The following CRTC1 variants were observed in gnomAD, a reference collection of about 807,000 sequenced individuals.
CRTC1 encodes the protein CREB regulated transcription coactivator 1.
CRTC1 carries 18 observed loss-of-function variants against 66.1 expected under a neutral mutation model. The ratio of observed to expected loss-of-function variants is 0.27; its 90% CI spans 0.19 to 0.40. CRTC1 has a LOEUF of 0.40. CRTC1 is among the 10% of genes least tolerant of loss of function. CRTC1 has a pLI of 1.00. For missense variants in CRTC1, 669 were observed against 887.9 expected (o/e 0.75, Z 3.13); for synonymous variants, 416 against 398.8 (o/e 1.04, Z -0.51).
At chr19:18,762,982 GCA>G (rs2054648555) in intron 8 of CRTC1, among the ~76,000 whole-genome samples, 4 of 152,346 alleles carry the variant, frequency 2.6e-5, no homozygotes, top group Admixed American at 6.5e-5. Context: ...TCTGACAACA[GCA>G]AACCACATAA....
Position 18,781,358 on chromosome 19 carries a change from G to A in CRTC1, c.*3976G>A, listed in dbSNP as rs1218281586. 6 of 229,230 alleles carry A rather than the reference G, an allele frequency of 2.6e-5. No individual in the cohort carries two copies. The highest frequency in any genetic ancestry group is 3.5e-5 in the Non-Finnish European group (4 of 115,648). The allele number at this position is 229,230 out of a possible 1,614,324, so 14.2% of individuals were successfully genotyped here. A position where few individuals can be genotyped will look rare whatever the true frequency, so the allele number is the denominator to read the frequency against. ...TACCCCCATTCACCATGGACCAGGG[G>A]CCTCCATTTCCTGGGGGCTCTTGCG... On this transcript the variant is annotated 3_prime_UTR_variant, in exon 14 of 14. Coordinates refer to ENST00000321949, the MANE Select transcript of CRTC1 (RefSeq NM_015321.3).
intron 1 of CRTC1, among the ~76,000 whole-genome samples, chr19:18,697,155 C>T (rs952680133): frequency 2.6e-5 from 4 of 152,018 alleles, no homozygotes; most frequent in African/African-American, 9.7e-5. Context: ...CAGGGATGCC[C>T]GAGAGCCAAT....
Position 18,768,644 on chromosome 19 carries a change from C to T in CRTC1, c.1171C>T (p.Arg391Cys), listed in dbSNP as rs376816187. The T allele has an allele frequency of 2.3e-5, 36 of 1,532,432 alleles. No individual in the cohort carries two copies. Among genetic ancestry groups the T allele is most frequent in the Middle Eastern group, 4.6e-4 (2 of 4,370 alleles). The allele number at this position is 1,532,432 out of a possible 1,614,324, so 94.9% of individuals were successfully genotyped here. A position where few individuals can be genotyped will look rare whatever the true frequency, so the allele number is the denominator to read the frequency against. Residue 391 changes from arginine to cysteine, a missense_variant, in exon 10 of 14, where the codon CGC becomes TGC. By Grantham distance (180) the Arg-to-Cys change is radical (BLOSUM62 -3). Coordinates refer to ENST00000321949, the MANE Select transcript of CRTC1 (RefSeq NM_015321.3). The surrounding 1 kb of genome is among the most constrained non-coding windows in gnomAD (Gnocchi z 5.6). ...CCCGCCACCCCCACAGGCGCCCGTC[C>T]GCCTGCCCCCTGGTGGCCCCCTGTT... Reference protein sequence around the residue: ...PPPPPPQAPVRLPPGGPLLPS... With the variant: ...PPPPPPQAPVCLPPGGPLLPS...
At chr19:18,751,654 T>G (rs1408593183) in intron 5 of CRTC1, among the ~76,000 whole-genome samples, 1 of 152,192 alleles carries the variant, frequency 6.6e-6, no homozygotes, top group Non-Finnish European at 1.5e-5. Context: ...GCTCAGACTC[T>G]CCCTCTCCTC....
At chr19:18,727,580 C>CAAAAAAAAAAAAAAAAAAAA (rs60907638) in intron 1 of CRTC1, among the ~76,000 whole-genome samples, 5 of 51,788 alleles carry the variant, frequency 9.7e-5, no homozygotes, top group Non-Finnish European at 1.7e-4. Flanking sequence ...GACTCTGTCT[C>CAAAAAAAAAAAAAAAAAAAA]AAAAAAAAAA....
chr19:18,756,020 T>C (rs1382247419), intron 6 of CRTC1, among the ~76,000 whole-genome samples: 1 of 152,110 alleles, frequency 6.6e-6, no homozygotes, highest in Admixed American at 6.5e-5. Context: ...ATTTCCACTC[T>C]TACGGGAAAA....
At chr19:18,759,809 C>T (rs564743199) in intron 7 of CRTC1, among the ~76,000 whole-genome samples, 199 bp from the exon 8 acceptor site, 1 of 152,176 alleles carries the variant, frequency 6.6e-6, no homozygotes, top group South Asian at 2.1e-4. Context: ...TGCCCCCAGG[C>T]CCCCCACCGT....
At chr19:18,776,325 C>T (rs1211102546) in intron 13 of CRTC1, among the ~76,000 whole-genome samples, 2 of 152,250 alleles carry the variant, frequency 1.3e-5, no homozygotes, top group East Asian at 1.9e-4. Context: ...AAGCCAGCCC[C>T]GTCCTGCATG....
Position 18,760,325 on chromosome 19 carries a change from T to G in CRTC1, c.886+97T>G. On this transcript the variant is annotated intron_variant, in intron 8 of 13. Coordinates refer to ENST00000321949, the MANE Select transcript of CRTC1 (RefSeq NM_015321.3). This position sits in a 1 kb window ranked among gnomAD's most constrained non-coding sequence, Gnocchi z 6.2. Reference sequence around the variant, plus strand: ...CTTGGCAGAGTCCCGTTCCAAATACTAGGGCATGGGGGACAGGGCTGGGGG... The same window carrying G: ...CTTGGCAGAGTCCCGTTCCAAATACGAGGGCATGGGGGACAGGGCTGGGGG... 9.7e-7 allele frequency: 1 copy of G among 1,028,318 alleles called. No individual in the cohort carries two copies. Among genetic ancestry groups the G allele is most frequent in the Non-Finnish European group, 1.4e-6 (1 of 698,812 alleles). 63.7% of individuals were successfully genotyped at this position (1,028,318 alleles called of 1,614,324 possible). A position where few individuals can be genotyped will look rare whatever the true frequency, so the allele number is the denominator to read the frequency against.
At chr19:18,774,495 C>T (rs2054939207) in intron 11 of CRTC1, among the ~76,000 whole-genome samples, 1 of 151,942 alleles carries the variant, frequency 6.6e-6, no homozygotes, top group African/African-American at 2.4e-5. Context: ...CAGGAGTCAC[C>T]AAGTGCACTT....
chr19:18,739,317 C>T (rs1011030446), intron 1 of CRTC1, among the ~76,000 whole-genome samples: 2 of 152,234 alleles, frequency 1.3e-5, no homozygotes, highest in African/African-American at 2.4e-5. Context: ...GAGCTAGCCG[C>T]TGGCTCCAAG....
Position 18,747,070 on chromosome 19 carries a change from T to C in CRTC1, c.399T>C (p.Tyr133=), listed in dbSNP as rs1173987428. The C allele has an allele frequency of 6.2e-7, 1 of 1,611,462 alleles. No individual in the cohort carries two copies. The highest frequency in any genetic ancestry group is 8.5e-7 in the Non-Finnish European group (1 of 1,179,348). Reference sequence around the variant, plus strand: ...CACCTCACGCCGACAGCTGCCCCTATGGCACCATGTACCTCTCACCACCCG... The same window carrying C: ...CACCTCACGCCGACAGCTGCCCCTACGGCACCATGTACCTCTCACCACCCG... The part of the protein sequence containing the change: ...KHGRQADSCP[Y]GTMYLSPPAD... Residue 133 remains tyrosine, a synonymous_variant, in exon 4 of 14, where the codon TAT becomes TAC. Transcript: ENST00000321949.
chr19:18,731,102 G>A (rs1482082416), intron 1 of CRTC1, among the ~76,000 whole-genome samples: 1 of 152,152 alleles, frequency 6.6e-6, no homozygotes, highest in African/African-American at 2.4e-5. Flanking sequence ...TCTGCCTCCC[G>A]TGTTGCTGGG....
intron 6 of CRTC1, 91 bp from the exon 7 acceptor site, chr19:18,759,460 A>C: frequency 7.5e-7 from 1 of 1,331,422 alleles, no homozygotes; most frequent in East Asian, 2.5e-5. Flanking sequence ...GCTTTGTGGG[A>C]AGATCAGCCG....
In CRTC1 at chr19:18,701,637, ACT is replaced by A. The variant is rs1383401380; in HGVS notation, c.126+17812_126+17813del. On this transcript the variant is annotated intron_variant, in intron 1 of 13. Coordinates refer to ENST00000321949, the MANE Select transcript of CRTC1 (RefSeq NM_015321.3). ...TTTTTGTTTTTTGAGACAGAATCTC[ACT>A]CTGTCACCCAGGCTGGAGTGCAATG... 1.2e-4 allele frequency among the ~76,000 whole-genome samples: 19 copies of A among 152,094 alleles called. No homozygotes were observed. In the South Asian group the frequency reaches 3.9e-3, roughly 32 times the overall value.
intron 1 of CRTC1, among the ~76,000 whole-genome samples, chr19:18,740,737 C>T (rs1321237999): frequency 1.3e-5 from 2 of 152,174 alleles, no homozygotes; most frequent in Non-Finnish European, 2.9e-5. Context: ...GGCGCGGTGA[C>T]TCATTCCTGT....
chr19:18,713,141 G>T (rs763457084), intron 1 of CRTC1, among the ~76,000 whole-genome samples: 1 of 152,164 alleles, frequency 6.6e-6, no homozygotes. Flanking sequence ...ACTCAGCATC[G>T]TGTCTTCAGG....
chr19:18,725,746 C>T lies in CRTC1; in HGVS notation c.127-17164C>T, dbSNP rs563997996. 5.9e-5 allele frequency among the ~76,000 whole-genome samples: 9 copies of T among 152,326 alleles called. No individual in the cohort carries two copies. In the South Asian group the frequency reaches 1.2e-3, roughly 21 times the overall value. ...TCTGAGTCTAATTCTGTCTTTCTCG[C>T]GTGGCTCAGGTATTCCGCCACCTTC... On this transcript the variant is annotated intron_variant, in intron 1 of 13. Transcript: ENST00000321949.
intron 1 of CRTC1, among the ~76,000 whole-genome samples, chr19:18,738,528 C>A (rs1166652052): frequency 6.6e-6 from 1 of 151,496 alleles, no homozygotes; most frequent in Admixed American, 6.6e-5. Context: ...TGAGCCAGGC[C>A]CAGTGGCTCA....
Sources: gnomAD v4.1 joint callset for allele counts (sites outside exome capture counted in the v4.1 genomes callset) on GRCh38, gnomAD v4.1.1 for gene constraint, Gnocchi (gnomAD v3.1) non-coding constraint, MANE v1.5 for transcripts, NCBI Gene and HGNC (gene_info 2026-07-23, HGNC 2026-07-21) for gene names.